The following FRRS1 variants were observed in gnomAD, a reference collection of about 807,000 sequenced individuals.
The protein encoded by FRRS1 is ferric reductase 1.
Under a neutral mutation model 70.7 loss-of-function variants are expected in FRRS1, and 51 were observed. That is an observed-to-expected ratio of 0.72 (90% CI 0.58 to 0.91). The LOEUF is 0.91. Among genes scored for constraint, FRRS1 ranks in the 40% least tolerant of loss-of-function variants. FRRS1 has a pLI of 0.00. For missense variants in FRRS1, 672 were observed against 726.0 expected (o/e 0.93, Z 0.86); for synonymous variants, 225 against 238.7 (o/e 0.94, Z 0.53).
At chr1:99,710,588 C>T (rs184884286) in intron 15 of FRRS1, among the ~76,000 whole-genome samples, 14 of 152,262 alleles carry the variant, frequency 9.2e-5, no homozygotes, top group Admixed American at 7.8e-4. Context: ...CTGCCTAAAA[C>T]CTAAAACCTT....
Position 99,729,056 on chromosome 1 carries a change from G to T in FRRS1, c.859-416C>A, listed in dbSNP as rs17121028. Reference sequence around the variant, plus strand: ...GCCAGCCTTGGGAGTCAATCCCATGGGAAGGCTGTGCACAGTTATGTCATT... The same window carrying T: ...GCCAGCCTTGGGAGTCAATCCCATGTGAAGGCTGTGCACAGTTATGTCATT... On this transcript the variant is annotated intron_variant, in intron 8 of 16. Transcript: ENST00000646001. 7.5e-3 allele frequency among the ~76,000 whole-genome samples: 1,141 copies of T among 152,328 alleles called. 14 individuals carry two copies. The highest frequency in any genetic ancestry group is 0.027 in the African/African-American group (1,103 of 41,578).
chr1:99,748,526 TA>T (rs774831103), intron 3 of FRRS1, 46 bp downstream of exon 3: 2 of 1,366,144 alleles, frequency 1.5e-6, no homozygotes, highest in Admixed American at 1.8e-5. Context: ...CAATAAACAG[TA>T]AAAGAGTGAA....
In FRRS1 at chr1:99,706,717, AC is replaced by A. The variant is rs1654046642; in HGVS notation, c.*2310del. ...GGGACCAGCCTGGCCAAAATGTGAA[AC>A]CCCCGTCTCTACTAAAAATATAAAA... On this transcript the variant is annotated 3_prime_UTR_variant, in exon 17 of 17. Coordinates refer to ENST00000646001, the MANE Select transcript of FRRS1 (RefSeq NM_001361041.2). 1.3e-5 allele frequency among the ~76,000 whole-genome samples: 2 copies of A among 151,836 alleles called. No individual in the cohort carries two copies.
At chr1:99,709,157 TACCATTAAGG>T in intron 16 of FRRS1, 31 bp downstream of exon 16, 1 of 1,604,230 alleles carries the variant, frequency 6.2e-7, no homozygotes, top group Non-Finnish European at 8.5e-7. Context: ...AAAAAAGTAT[TACCATTAAGG>T]TTTGTGTCAA....
At position 99,712,503 on chromosome 1, in the gene FRRS1, G is replaced by A; in HGVS notation, c.1336C>T (p.His446Tyr). ...ATCACTATACAGCCGAGGTATGGGT[G>A]GTAACCTGCATGCTAAACAAAGTTA... ...RGGWSRHAGY[H>Y]PYLGCIVMTL... The change falls in exon 13 of 17, where the codon CAC becomes TAC. Residue 446 changes from histidine to tyrosine, a missense_variant. Physicochemically the swap from His to Tyr is moderately conservative, Grantham distance 83. Transcript: ENST00000646001. The A allele has an allele frequency of 6.2e-7, 1 of 1,600,028 alleles. No homozygotes were observed. The highest frequency in any genetic ancestry group is 8.5e-7 in the Non-Finnish European group (1 of 1,174,456).
intron 1 of FRRS1, among the ~76,000 whole-genome samples, chr1:99,753,986 G>A (rs1403473981): frequency 6.6e-6 from 1 of 152,202 alleles, no homozygotes; most frequent in African/African-American, 2.4e-5. Context: ...GAAAGCAGGA[G>A]TAGCTACGTT....
chr1:99,716,503 G>A (rs12140702), intron 11 of FRRS1, among the ~76,000 whole-genome samples: 16,262 of 152,198 alleles, frequency 0.11, 1,652 homozygotes, highest in African/African-American at 0.27. Flanking sequence ...TAGTCACCTG[G>A]CAGCAAACCA....
intron 9 of FRRS1, among the ~76,000 whole-genome samples, chr1:99,721,686 C>T (rs1016440853): frequency 6.6e-6 from 1 of 151,150 alleles, no homozygotes; most frequent in Non-Finnish European, 1.5e-5. Context: ...GCAACCTCTG[C>T]CGCTCAGGTT....
intron 1 of FRRS1, 65 bp downstream of exon 1, chr1:99,766,542 G>A (rs1657362112): frequency 6.6e-6 from 1 of 152,254 alleles, no homozygotes; most frequent in Admixed American, 6.5e-5. Context: ...CTGTCGCTAA[G>A]CTGGATTTGA....
At chr1:99,741,940 T>C (rs1289201891) in intron 5 of FRRS1, among the ~76,000 whole-genome samples, 1 of 152,238 alleles carries the variant, frequency 6.6e-6, no homozygotes, top group African/African-American at 2.4e-5. Context: ...CTCTCCTACA[T>C]GTGTGAATGT....
At chr1:99,724,118 T>C (rs868864997) in intron 9 of FRRS1, among the ~76,000 whole-genome samples, 1 of 152,190 alleles carries the variant, frequency 6.6e-6, no homozygotes, top group African/African-American at 2.4e-5. Context: ...TGAATCACTA[T>C]AGAGCCATGA....
At chr1:99,718,042 T>A (rs897077613) in intron 10 of FRRS1, among the ~76,000 whole-genome samples, 4 of 152,234 alleles carry the variant, frequency 2.6e-5, no homozygotes, top group Non-Finnish European at 5.9e-5. Context: ...AAACTGGAGC[T>A]ACAACATGAG....
intron 5 of FRRS1, among the ~76,000 whole-genome samples, chr1:99,741,645 T>A (rs767549951): frequency 5.9e-5 from 9 of 152,222 alleles, no homozygotes; most frequent in Non-Finnish European, 8.8e-5. Flanking sequence ...AATCTGCAAG[T>A]TGTAATACTG....
chr1:99,751,046 A>G (rs1274928642), intron 1 of FRRS1, among the ~76,000 whole-genome samples: 1 of 152,186 alleles, frequency 6.6e-6, no homozygotes, highest in Non-Finnish European at 1.5e-5. Flanking sequence ...CACCTCACCA[A>G]AGTGGGTAGG....
rs968604804 is a variant in FRRS1, at chr1:99,704,401, T to C, written c.*4627A>G. On this transcript the variant is annotated 3_prime_UTR_variant, in exon 17 of 17. Transcript: ENST00000646001. ...AGGAGCTAGAACTTGATAAACTAGC[T>C]TTTGTAAGTGATAACGGGAGGGAAG... is the stretch of plus-strand genomic sequence containing the variant. Among the ~76,000 whole-genome samples, 1 of 152,164 alleles carries C rather than the reference T, an allele frequency of 6.6e-6. No homozygotes were observed. Among genetic ancestry groups the C allele is most frequent in the Non-Finnish European group, 1.5e-5 (1 of 68,022 alleles).
At position 99,720,834 on chromosome 1, in the gene FRRS1, A is replaced by AACAC. The variant is rs57397996; in HGVS notation, c.1007-1191_1007-1188dup. 5.8e-3 allele frequency among the ~76,000 whole-genome samples: 794 copies of AACAC among 137,324 alleles called. 8 individuals are homozygous for AACAC. Among genetic ancestry groups the AACAC allele is most frequent in the South Asian group, 8.0e-3 (32 of 4,006 alleles). The allele number at this position is 137,324 out of a possible 152,430, so 90.1% of individuals were successfully genotyped here. A position where few individuals can be genotyped will look rare whatever the true frequency, so the allele number is the denominator to read the frequency against. On this transcript the variant is annotated intron_variant, in intron 9 of 16. Coordinates refer to ENST00000646001, the MANE Select transcript of FRRS1 (RefSeq NM_001361041.2). ...TTTTATCATCTTAAAAGCATTTCCTAACACACACACACACACACACACACA... is the reference window on the plus strand; with the variant it reads ...TTTTATCATCTTAAAAGCATTTCCTAACACACACACACACACACACACACACACA...
At chr1:99,731,302 C>A (rs1655369962) in intron 7 of FRRS1, among the ~76,000 whole-genome samples, 1 of 152,154 alleles carries the variant, frequency 6.6e-6, no homozygotes, top group African/African-American at 2.4e-5. Flanking sequence ...CCAAGACTAC[C>A]CAGTTATAAC....
At chr1:99,724,145 AC>A (rs1156932738) in intron 9 of FRRS1, among the ~76,000 whole-genome samples, 3 of 152,342 alleles carry the variant, frequency 2.0e-5, no homozygotes, top group Non-Finnish European at 4.4e-5. Context: ...TATGAACTTA[AC>A]CTTCATGAAA....
intron 4 of FRRS1, among the ~76,000 whole-genome samples, chr1:99,746,275 T>C (rs886638868): frequency 6.6e-6 from 1 of 152,122 alleles, no homozygotes; most frequent in Non-Finnish European, 1.5e-5. Flanking sequence ...CAGTACTCGA[T>C]GGAAACGATT....
Sources: gnomAD v4.1 joint callset for allele counts (sites outside exome capture counted in the v4.1 genomes callset) on GRCh38, gnomAD v4.1.1 for gene constraint, MANE v1.5 for transcripts, NCBI Gene and HGNC (gene_info 2026-07-23, HGNC 2026-07-21) for gene names.